CFAP54: variants seen among roughly 807,000 people sequenced by gnomAD.
CFAP54 encodes cilia and flagella associated protein 54.
A neutral mutation model predicts 370.4 loss-of-function variants in CFAP54; 290 were observed. That is an observed-to-expected ratio of 0.78 (90% confidence interval 0.71 to 0.86). CFAP54 has a LOEUF of 0.86. Ranked by LOEUF, CFAP54 falls within the 40% of genes least tolerant of loss-of-function variation. CFAP54 has a pLI of 0.00. For synonymous variants in CFAP54, 1,206 were observed against 1,236.5 expected (o/e 0.98, Z 0.52); for missense variants, 3,399 against 3,528.7 (o/e 0.96, Z 0.93).
intron 1 of CFAP54, among the ~76,000 whole-genome samples, 181 bp downstream of exon 1, chr12:96,490,107 T>C (rs1437425884): frequency 6.6e-6 from 1 of 152,188 alleles, no homozygotes; most frequent in Non-Finnish European, 1.5e-5. Context: ...CAATCCTTAA[T>C]TCCTGGGAGC....
chr12:96,603,833 G>C (rs1475709237), intron 26 of CFAP54, among the ~76,000 whole-genome samples: 2 of 152,108 alleles, frequency 1.3e-5, no homozygotes, highest in Admixed American at 1.3e-4. Flanking sequence ...TCTCTACACT[G>C]TTTATTCTAG....
rs374764226 is a variant in CFAP54, at chr12:96,620,221, G to T, written c.3640-1369G>T. On this transcript the variant is annotated intron_variant, in intron 26 of 67. Coordinates refer to ENST00000524981, the MANE Select transcript of CFAP54 (RefSeq NM_001306084.2). ...CTTCCCTGCATGAGAAGTAACAGTT[G>T]TTATTTATTGATATGGTTTGACTGT... 2.0e-5 allele frequency among the ~76,000 whole-genome samples: 3 copies of T among 152,204 alleles called. No individual in the cohort carries two copies. In the East Asian group the frequency reaches 5.8e-4, roughly 29 times the overall value.
intron 39 of CFAP54, among the ~76,000 whole-genome samples, chr12:96,676,820 C>A (rs1657894645): frequency 6.6e-6 from 1 of 152,092 alleles, no homozygotes; most frequent in Non-Finnish European, 1.5e-5. Context: ...AACCACCACA[C>A]CCAGCTTGGT....
chr12:96,794,828 A>G (rs142408849), intron 63 of CFAP54, among the ~76,000 whole-genome samples: 110 of 152,174 alleles, frequency 7.2e-4, no homozygotes, highest in African/African-American at 2.6e-3. Flanking sequence ...TTGTCATATT[A>G]CCAGAATTGT....
chr12:96,679,826 C>T (rs1318731191), intron 40 of CFAP54, 74 bp downstream of exon 40: 3 of 1,428,468 alleles, frequency 2.1e-6, no homozygotes, highest in Non-Finnish European at 2.9e-6. Flanking sequence ...CCTCTTCTGC[C>T]CTCTCATTCT....
intron 40 of CFAP54, among the ~76,000 whole-genome samples, chr12:96,683,855 G>A (rs1198079650): frequency 2.0e-5 from 3 of 146,670 alleles, no homozygotes; most frequent in African/African-American, 2.4e-5. Flanking sequence ...ACAGTGGCAC[G>A]ATCTTGGCTC....
At chr12:96,537,467 A>T (rs1955518575) in intron 12 of CFAP54, among the ~76,000 whole-genome samples, 1 of 151,980 alleles carries the variant, frequency 6.6e-6, no homozygotes, top group Admixed American at 6.6e-5. Flanking sequence ...TTAGCCTCCC[A>T]AGTAGCTGGG....
At chr12:96,657,321 T>G (rs142915356) in intron 36 of CFAP54, among the ~76,000 whole-genome samples, 2 of 152,340 alleles carry the variant, frequency 1.3e-5, no homozygotes, top group African/African-American at 4.8e-5. Flanking sequence ...TCCTTCTCCA[T>G]AGGTGTGACA....
chr12:96,685,165 A>G lies in CFAP54; in HGVS notation c.5941A>G (p.Ser1981Gly). ...SHSPPGFKDY[S>G]EEFLSRVGIW... The stretch of plus-strand genomic sequence containing the variant: ...TTCACCTCCGGGTTTCAAAGACTAC[A>G]GTGAGGAGTTTCTGTCAAGAGTTGG... Residue 1981 changes from serine (S) to glycine (G), a missense_variant, in exon 42 of 68, where the codon AGT becomes GGT. Physicochemically the swap from Ser to Gly is moderately conservative, Grantham distance 56 (BLOSUM62 0). Around this residue, in one of 3 missense-constraint regions of CFAP54, gnomAD observed 2,796 missense variants for 2,869.7 expected, o/e 0.97. Transcript: ENST00000524981. The G allele has an allele frequency of 1.9e-6, 3 of 1,614,122 alleles. No individual in the cohort carries two copies. The highest frequency in any genetic ancestry group is 8.5e-7 in the Non-Finnish European group (1 of 1,180,004).
intron 66 of CFAP54, among the ~76,000 whole-genome samples, chr12:96,858,824 C>G (rs188351284): frequency 6.6e-6 from 1 of 152,262 alleles, no homozygotes; most frequent in East Asian, 1.9e-4. Context: ...CTGTCCAGAG[C>G]AATTTACAGA....
At chr12:96,874,601 T>C (rs1176167307) in intron 67 of CFAP54, among the ~76,000 whole-genome samples, 1 of 148,758 alleles carries the variant, frequency 6.7e-6, no homozygotes, top group Non-Finnish European at 1.5e-5. Context: ...TGTTCTGTTT[T>C]GGGATCTCTG....
At chr12:96,793,524 A>AT (rs891209691) in intron 63 of CFAP54, among the ~76,000 whole-genome samples, 3 of 151,408 alleles carry the variant, frequency 2.0e-5, no homozygotes, top group Non-Finnish European at 4.4e-5. Context: ...GTGTGCAAGT[A>AT]TTTTTTTTTC....
chr12:96,758,926 A>G (rs1335197297), intron 58 of CFAP54, among the ~76,000 whole-genome samples: 1 of 152,142 alleles, frequency 6.6e-6, no homozygotes, highest in Non-Finnish European at 1.5e-5. Flanking sequence ...AGACTCAGGG[A>G]GATCCCAGAT....
At chr12:96,730,092 G>C (rs1294691147) in intron 50 of CFAP54, among the ~76,000 whole-genome samples, 2 of 152,130 alleles carry the variant, frequency 1.3e-5, no homozygotes, top group South Asian at 2.1e-4. Flanking sequence ...GTCTCTGGAG[G>C]CTAGCCAGGG....
chr12:96,635,751 C>G (rs918511679), intron 32 of CFAP54, among the ~76,000 whole-genome samples: 3 of 152,140 alleles, frequency 2.0e-5, no homozygotes, highest in Non-Finnish European at 4.4e-5. Flanking sequence ...TACAATAGCT[C>G]ACAAAACTCA....
intron 38 of CFAP54, 135 bp downstream of exon 38, chr12:96,658,481 C>G: frequency 9.2e-7 from 1 of 1,090,918 alleles, no homozygotes; most frequent in Non-Finnish European, 1.3e-6. Flanking sequence ...ATTTATCATT[C>G]AAATCAACAA....
In CFAP54 at chr12:96,811,948, A is replaced by C. The variant is rs1958932732; in HGVS notation, c.8957+106A>C. The C allele has an allele frequency of 5.0e-6, 3 of 603,314 alleles. No homozygotes were observed. In the South Asian group the frequency reaches 6.9e-5, roughly 14 times the overall value. The allele number at this position is 603,314 out of a possible 1,614,324, so 37.4% of individuals were successfully genotyped here. On this transcript the variant is annotated intron_variant, in intron 64 of 67. Coordinates refer to ENST00000524981, the MANE Select transcript of CFAP54 (RefSeq NM_001306084.2). ...TAGCATAGGAGACCTGCTAAAAGGC[A>C]CTTCGCGAAGAATCTTCCTTTTGTT... is the stretch of plus-strand genomic sequence containing the variant.
At chr12:96,507,306 G>A (rs1386509634) in intron 4 of CFAP54, among the ~76,000 whole-genome samples, 3 of 152,176 alleles carry the variant, frequency 2.0e-5, no homozygotes, top group Non-Finnish European at 4.4e-5. Flanking sequence ...TGGGGAAAGG[G>A]TCAGAGACTG....
Position 96,658,314 on chromosome 12 carries a change from T to C in CFAP54, c.5428T>C (p.Cys1810Arg). 6.2e-7 allele frequency: 1 copy of C among 1,614,138 alleles called. No individual in the cohort carries two copies. Among genetic ancestry groups the C allele is most frequent in the South Asian group, 1.1e-5 (1 of 91,080 alleles). ...GGGCCCAGATATTACCCAACAACCT[T>C]GTGCAAGGTATGAGGCTGAATATGG... ...FKGPDITQQP[C>R]ARYEAEYGEK... The change falls in exon 38 of 68, where the codon TGT becomes CGT. Residue 1810 changes from cysteine (C) to arginine (R), a missense_variant. This residue lies in a region of CFAP54 where 2,796 missense variants were observed against 2,869.7 expected (regional missense o/e 0.97). Coordinates refer to ENST00000524981, the MANE Select transcript of CFAP54 (RefSeq NM_001306084.2).
Sources: allele counts gnomAD v4.1 joint callset (sites outside exome capture counted in the v4.1 genomes callset), GRCh38; gene constraint gnomAD v4.1.1; regional missense constraint gnomAD v4.1.1; transcripts MANE v1.5; gene names NCBI Gene and HGNC (gene_info 2026-07-23, HGNC 2026-07-21).